Variants in ZCCHC2 observed in about 807,000 individuals in gnomAD.
ZCCHC2 encodes zinc finger CCHC domain-containing protein 2.
In ZCCHC2, 39 loss-of-function variants were observed where a neutral mutation model predicts 103.6. The observed-to-expected ratio is 0.38, with a 90% CI of 0.29 to 0.49. The LOEUF is 0.49. Among genes scored for constraint, ZCCHC2 ranks in the 20% least tolerant of loss-of-function variants. The pLI is 0.96. For synonymous variants in ZCCHC2, 687 were observed against 608.9 expected (o/e 1.13, Z -1.89); for missense variants, 1,483 against 1,491.0 (o/e 0.99, Z 0.09).
At chr18:62,525,882 A>T (rs1442948751) in intron 1 of ZCCHC2, 3 of 152,140 alleles carry the variant, frequency 2.0e-5, no homozygotes, top group African/African-American at 7.2e-5. Context: ...CACAGCCATT[A>T]AATTTAGAGA....
chr18:62,567,705 A>T (rs1568555636), intron 11 of ZCCHC2, among the ~76,000 whole-genome samples: 1 of 152,092 alleles, frequency 6.6e-6, no homozygotes, highest in Non-Finnish European at 1.5e-5. Context: ...GCACTTTGGG[A>T]GGCTGGGGCC....
Position 62,574,606 on chromosome 18 carries a change from C to T in ZCCHC2, c.2525C>T (p.Ala842Val). ...CAACCACCCGGAAGCCTGAGCATCGCATCACCAAACACTGCCTTTATTCCT... is the reference window on the plus strand; with the variant it reads ...CAACCACCCGGAAGCCTGAGCATCGTATCACCAAACACTGCCTTTATTCCT... Reference protein sequence around the residue: ...PQQPPGSLSIASPNTAFIPIH... With the variant: ...PQQPPGSLSIVSPNTAFIPIH... Residue 842 changes from alanine to valine, a missense_variant, in exon 13 of 14, where the codon GCA becomes GTA. Transcript: ENST00000269499. The T allele has an allele frequency of 1.2e-6, 2 of 1,614,000 alleles. No individual in the cohort carries two copies. Among genetic ancestry groups the T allele is most frequent in the South Asian group, 2.2e-5 (2 of 91,082 alleles).
At chr18:62,536,277 G>A (rs575925197) in intron 1 of ZCCHC2, among the ~76,000 whole-genome samples, 2 of 152,314 alleles carry the variant, frequency 1.3e-5, no homozygotes, top group South Asian at 2.1e-4. Context: ...TGCCTCAGGC[G>A]AGTTAAGAAA....
intron 4 of ZCCHC2, among the ~76,000 whole-genome samples, chr18:62,547,624 C>A (rs776699331): frequency 3.0e-4 from 45 of 151,304 alleles, no homozygotes; most frequent in Non-Finnish European, 5.7e-4. Context: ...GTGACACCAT[C>A]TTGAGAGGTT....
chr18:62,527,854 C>T (rs1480612960), intron 1 of ZCCHC2, among the ~76,000 whole-genome samples: 2 of 152,072 alleles, frequency 1.3e-5, no homozygotes, highest in South Asian at 2.1e-4. Context: ...AAAAAAATGC[C>T]TATGTATTTT....
At chr18:62,579,081 T>A (rs1453750338), downstream of ZCCHC2, among the ~76,000 whole-genome samples, 1 of 152,138 alleles carries the variant, frequency 6.6e-6, no homozygotes, top group Non-Finnish European at 1.5e-5. Flanking sequence ...CAAGTAACTT[T>A]ATATAGAGGT....
chr18:62,553,738 C>A (rs1256346435), intron 5 of ZCCHC2, among the ~76,000 whole-genome samples: 2 of 152,196 alleles, frequency 1.3e-5, no homozygotes, highest in Non-Finnish European at 2.9e-5. Context: ...TTCTCAATTG[C>A]TCTTCTTTGC....
chr18:62,559,581 A>G (rs1454274704), intron 7 of ZCCHC2, among the ~76,000 whole-genome samples: 1 of 152,238 alleles, frequency 6.6e-6, no homozygotes, highest in Non-Finnish European at 1.5e-5. Flanking sequence ...TGTGTAGTGA[A>G]GTTGGAGATA....
At chr18:62,583,225 T>C (rs1307881992), downstream of ZCCHC2, among the ~76,000 whole-genome samples, 1 of 152,164 alleles carries the variant, frequency 6.6e-6, no homozygotes, top group Non-Finnish European at 1.5e-5. Context: ...GATTAGTTAA[T>C]TTTGCTCTAT....
Position 62,541,767 on chromosome 18 carries a change from C to G in ZCCHC2, c.1052-731C>G, listed in dbSNP as rs567686919. On this transcript the variant is annotated intron_variant, in intron 2 of 13. Coordinates refer to ENST00000269499, the MANE Select transcript of ZCCHC2 (RefSeq NM_017742.6). ...AATTGATTTATTTCCTAAGGTGGTA[C>G]TTTTATTAAAGGTGTCGTAAAATGG... 5.3e-5 allele frequency among the ~76,000 whole-genome samples: 8 copies of G among 152,146 alleles called. No individual in the cohort carries two copies. In the East Asian group the frequency reaches 1.4e-3, roughly 26 times the overall value.
At chr18:62,524,592 C>G (rs569779605) in intron 1 of ZCCHC2, 3 of 603,352 alleles carry the variant, frequency 5.0e-6, no homozygotes, top group South Asian at 5.4e-5. Context: ...CCCGCCATCA[C>G]AGAATGCTCT....
intron 1 of ZCCHC2, among the ~76,000 whole-genome samples, chr18:62,531,586 CAAG>C (rs143032783): frequency 0.019 from 2,934 of 151,700 alleles, 59 homozygotes; most frequent in Middle Eastern, 0.075. Context: ...GCTTGGTAAA[CAAG>C]AAGGAGATAT....
intron 11 of ZCCHC2, among the ~76,000 whole-genome samples, chr18:62,568,466 C>G (rs1315003827): frequency 6.6e-6 from 1 of 152,098 alleles, no homozygotes; most frequent in Non-Finnish European, 1.5e-5. Flanking sequence ...AAAAAAGTTA[C>G]GTTAGTATAG....
At chr18:62,555,146 T>C (rs1193745897) in intron 5 of ZCCHC2, among the ~76,000 whole-genome samples, 1 of 152,220 alleles carries the variant, frequency 6.6e-6, no homozygotes, top group South Asian at 2.1e-4. Context: ...AAAGGCTAAC[T>C]GGCTTGTTTA....
chr18:62,533,975 T>C (rs1296910582), intron 1 of ZCCHC2, among the ~76,000 whole-genome samples: 1 of 152,102 alleles, frequency 6.6e-6, no homozygotes, highest in Non-Finnish European at 1.5e-5. Flanking sequence ...TGCAGTTATA[T>C]AGGATAGGTA....
At chr18:62,544,526 C>T (rs1444444723) in intron 3 of ZCCHC2, among the ~76,000 whole-genome samples, 1 of 152,142 alleles carries the variant, frequency 6.6e-6, no homozygotes, top group African/African-American at 2.4e-5. Context: ...CATATATCCC[C>T]TTTCTGAAAA....
chr18:62,527,140 A>G (rs1914461660), intron 1 of ZCCHC2, among the ~76,000 whole-genome samples: 1 of 151,628 alleles, frequency 6.6e-6, no homozygotes, highest in Non-Finnish European at 1.5e-5. Flanking sequence ...CAGCCTTACT[A>G]TTGGTTAACG....
Position 62,556,224 on chromosome 18 carries a change from A to G in ZCCHC2, c.1335A>G (p.Ser445=), listed in dbSNP as rs34596423. The G allele has an allele frequency of 3.6e-3, 5,794 of 1,603,536 alleles. 214 individuals carry two copies. The African/African-American group carries it at 0.069, about 19-fold the overall frequency. ...GCAGGCAGCTATTTTCAAGTTCATC[A>G]CAAGCTTTTCTACAAAGTCAGAAAG... The part of the protein sequence containing the change: ...PILRQLFSSS[S]QAFLQSQKVH... The change falls in exon 6 of 14, where the codon TCA becomes TCG. Residue 445 remains serine, a synonymous_variant. Coordinates refer to ENST00000269499, the MANE Select transcript of ZCCHC2 (RefSeq NM_017742.6).
rs1796713210 is a variant in ZCCHC2 at position 62,550,464 on chromosome 18, A to G, written c.1313+4A>G. Reference sequence around the variant, plus strand: ...CTGACCTAGAGCCCATCCTAAGGTAATGATTTACCTGACGCCTATCATAGC... The same window carrying G: ...CTGACCTAGAGCCCATCCTAAGGTAGTGATTTACCTGACGCCTATCATAGC... On this transcript the variant is annotated splice_donor_region_variant and intron_variant, in intron 5 of 13. Transcript: ENST00000269499. 6.2e-7 allele frequency: 1 copy of G among 1,608,884 alleles called. No individual in the cohort carries two copies. The highest frequency in any genetic ancestry group is 8.5e-7 in the Non-Finnish European group (1 of 1,176,534).
Sources: gnomAD v4.1 joint callset for allele counts (sites outside exome capture counted in the v4.1 genomes callset) on GRCh38, gnomAD v4.1.1 for gene constraint, MANE v1.5 for transcripts, NCBI Gene and HGNC (gene_info 2026-07-23, HGNC 2026-07-21) for gene names.